CCDC60: variants seen among roughly 807,000 people sequenced by gnomAD.
CCDC60 encodes the protein coiled-coil domain-containing protein 60.
In CCDC60, 54 loss-of-function variants were observed where a neutral mutation model predicts 63.5. The observed-to-expected ratio is 0.85, with a 90% CI of 0.68 to 1.07. CCDC60 has a LOEUF of 1.07. CCDC60 is among the 50% of genes least tolerant of loss of function. CCDC60 has a pLI of 0.00. For synonymous variants in CCDC60, 206 were observed against 238.8 expected (o/e 0.86, Z 1.27); for missense variants, 651 against 684.3 (o/e 0.95, Z 0.54).
intron 2 of CCDC60, chr12:119,448,020 G>A (rs925269922): frequency 2.6e-5 from 4 of 152,080 alleles, no homozygotes; most frequent in African/African-American, 9.7e-5. Context: ...GGGAGGGATG[G>A]AGTGGAATGG....
At chr12:119,504,864 A>T (rs78574337) in intron 6 of CCDC60, among the ~76,000 whole-genome samples, 12,535 of 152,276 alleles carry the variant, frequency 0.082, 676 homozygotes, top group Non-Finnish European at 0.12. Context: ...ACATTTTAAC[A>T]TTATCTCGAT....
intron 1 of CCDC60, among the ~76,000 whole-genome samples, chr12:119,405,424 T>A (rs1956469090): frequency 6.6e-6 from 1 of 152,264 alleles, no homozygotes; most frequent in Non-Finnish European, 1.5e-5. Flanking sequence ...GAAATGAGCA[T>A]GGATATTACA....
At chr12:119,385,922 C>T (rs564520616) in intron 1 of CCDC60, among the ~76,000 whole-genome samples, 1 of 152,286 alleles carries the variant, frequency 6.6e-6, no homozygotes, top group African/African-American at 2.4e-5. Context: ...GCAAATAGTC[C>T]CTTTATTCAA....
chr12:119,466,091 A>G (rs889197586), intron 2 of CCDC60, among the ~76,000 whole-genome samples: 2 of 152,208 alleles, frequency 1.3e-5, no homozygotes, highest in African/African-American at 4.8e-5. Context: ...CCCAACAAGT[A>G]TCTGCATGGT....
At chr12:119,471,857 T>A (rs1951066159) in intron 2 of CCDC60, 137 bp from the exon 3 acceptor site, 5 of 591,804 alleles carry the variant, frequency 8.4e-6, no homozygotes, top group Non-Finnish European at 1.4e-5. Context: ...TATTTCTACC[T>A]GTTTCTTTCT....
intron 2 of CCDC60, among the ~76,000 whole-genome samples, chr12:119,459,058 G>C (rs1014949795): frequency 1.3e-5 from 2 of 152,170 alleles, no homozygotes; most frequent in African/African-American, 4.8e-5. Flanking sequence ...CCGGCCAAGA[G>C]ATTCTTAGAG....
intron 7 of CCDC60, among the ~76,000 whole-genome samples, chr12:119,507,557 T>TACAC (rs1182568136): frequency 1.4e-5 from 1 of 73,200 alleles, no homozygotes; most frequent in African/African-American, 8.1e-5. Flanking sequence ...TATACATATA[T>TACAC]ATATATATAT....
chr12:119,489,581 A>G (rs1194331767), intron 5 of CCDC60, among the ~76,000 whole-genome samples: 1 of 152,238 alleles, frequency 6.6e-6, no homozygotes, highest in African/African-American at 2.4e-5. Flanking sequence ...CAGAACAAAG[A>G]ACAGACAGGC....
chr12:119,421,089 G>A (rs1350221217), intron 1 of CCDC60, among the ~76,000 whole-genome samples: 1 of 152,082 alleles, frequency 6.6e-6, no homozygotes, highest in Non-Finnish European at 1.5e-5. Context: ...CCTGATGTCT[G>A]TATCAGCCCG....
At chr12:119,435,936 G>A (rs1027860954) in intron 2 of CCDC60, among the ~76,000 whole-genome samples, 1 of 152,160 alleles carries the variant, frequency 6.6e-6, no homozygotes, top group Non-Finnish European at 1.5e-5. Flanking sequence ...GCTCTAGGCA[G>A]GTCTAGGATA....
At chr12:119,478,895 G>T (rs1354950056) in intron 3 of CCDC60, among the ~76,000 whole-genome samples, 199 bp from the exon 4 acceptor site, 1 of 151,908 alleles carries the variant, frequency 6.6e-6, no homozygotes, top group East Asian at 1.9e-4. Flanking sequence ...ATGAGCCACG[G>T]CACCCGACCG....
intron 1 of CCDC60, among the ~76,000 whole-genome samples, chr12:119,381,921 G>A (rs904084556): frequency 6.6e-6 from 1 of 152,196 alleles, no homozygotes; most frequent in African/African-American, 2.4e-5. Flanking sequence ...GAAAATTCTT[G>A]TTTTCTAAAG....
chr12:119,507,529 C>CAT (rs1366041838), intron 7 of CCDC60, among the ~76,000 whole-genome samples: 4 of 118,880 alleles, frequency 3.4e-5, no homozygotes, highest in Non-Finnish European at 5.0e-5. Context: ...TATATATACA[C>CAT]ATATATATAC....
At chr12:119,337,435 G>A (rs2136138395) in intron 1 of CCDC60, among the ~76,000 whole-genome samples, 1 of 152,336 alleles carries the variant, frequency 6.6e-6, no homozygotes, top group African/African-American at 2.4e-5. Flanking sequence ...CTCCGCTTCA[G>A]TGCTGCCATC....
chr12:119,361,574 C>A (rs1260978283), intron 1 of CCDC60, among the ~76,000 whole-genome samples: 3 of 152,142 alleles, frequency 2.0e-5, no homozygotes, highest in Admixed American at 2.0e-4. Context: ...AAAAGAATCA[C>A]CCCTGAGTTA....
intron 1 of CCDC60, among the ~76,000 whole-genome samples, chr12:119,387,563 G>T (rs556968907): frequency 6.6e-5 from 10 of 152,120 alleles, no homozygotes; most frequent in African/African-American, 2.4e-4. Flanking sequence ...TGTATATGAT[G>T]TGATTCCTCC....
chr12:119,451,078 A>G (rs1298287739), intron 2 of CCDC60, among the ~76,000 whole-genome samples: 1 of 152,062 alleles, frequency 6.6e-6, no homozygotes, highest in Non-Finnish European at 1.5e-5. Context: ...TGAATTGAAA[A>G]CTTTTGTTAC....
rs554875685 is a variant in CCDC60, at chr12:119,526,844, G to A, written c.1230-1771G>A. On this transcript the variant is annotated intron_variant, in intron 11 of 13. Coordinates refer to ENST00000327554, the MANE Select transcript of CCDC60 (RefSeq NM_178499.5). ...TAAATTAGTTCAACCATTGTGGAAA[G>A]CAATATGGCTATTCCTTAAAGAGCT... Among the ~76,000 whole-genome samples, 3 of 152,262 alleles carry A rather than the reference G, an allele frequency of 2.0e-5. No homozygotes were observed. In the East Asian group the frequency reaches 5.8e-4, roughly 29 times the overall value.
intron 1 of CCDC60, among the ~76,000 whole-genome samples, chr12:119,393,073 A>G (rs1021592387): frequency 2.6e-5 from 4 of 152,230 alleles, no homozygotes; most frequent in Non-Finnish European, 5.9e-5. Context: ...CTGAGGTGAC[A>G]GAATCACTTG....
Sources: allele counts gnomAD v4.1 joint callset (sites outside exome capture counted in the v4.1 genomes callset), GRCh38; gene constraint gnomAD v4.1.1; transcripts MANE v1.5; gene names NCBI Gene and HGNC (gene_info 2026-07-23, HGNC 2026-07-21).